The following GABRB2 variants were observed in gnomAD, a reference collection of about 807,000 sequenced individuals.
The protein encoded by GABRB2 is gamma-aminobutyric acid receptor subunit beta-2.
GABRB2 carries 16 observed loss-of-function variants against 54.7 expected under a neutral mutation model. That is an observed-to-expected ratio of 0.29 (90% confidence interval 0.20 to 0.44). The LOEUF (loss-of-function observed/expected upper bound fraction) is 0.44, where lower values mean the gene tolerates loss of function less well. Ranked by LOEUF, GABRB2 falls within the 20% of genes least tolerant of loss-of-function variation. The pLI is 1.00. For synonymous variants in GABRB2, 244 were observed against 233.8 expected (o/e 1.04, Z -0.40); for missense variants, 355 against 644.0 (o/e 0.55, Z 4.86).
chr5:161,337,157 A>G (rs1754018662), intron 5 of GABRB2, among the ~76,000 whole-genome samples: 1 of 152,178 alleles, frequency 6.6e-6, no homozygotes, highest in African/African-American at 2.4e-5. Flanking sequence ...ACATTATCAT[A>G]TAACATTATC....
At chr5:161,465,486 T>C (rs4530801) in intron 3 of GABRB2, among the ~76,000 whole-genome samples, 26,112 of 152,030 alleles carry the variant, frequency 0.17, 3,143 homozygotes, top group African/African-American at 0.34. Context: ...CATGTTGTCA[T>C]TTAAAAATCT....
intron 5 of GABRB2, among the ~76,000 whole-genome samples, chr5:161,394,009 T>TA (rs1390874270): frequency 6.6e-6 from 1 of 152,016 alleles, no homozygotes; most frequent in Non-Finnish European, 1.5e-5. Flanking sequence ...TTTAAAAGGA[T>TA]AAAAACTATA....
chr5:161,297,167 G>C (rs1178723712), intron 9 of GABRB2, among the ~76,000 whole-genome samples: 2 of 152,072 alleles, frequency 1.3e-5, no homozygotes, highest in Non-Finnish European at 2.9e-5. Context: ...AAGTGGGAGG[G>C]TGGTAGGGTG....
At chr5:161,319,214 C>T (rs1758135750) in intron 9 of GABRB2, among the ~76,000 whole-genome samples, 1 of 150,008 alleles carries the variant, frequency 6.7e-6, no homozygotes, top group Non-Finnish European at 1.5e-5. Context: ...AGCCAAGAGG[C>T]AAGAGTCAGA....
At chr5:161,512,493 C>A (rs1242229311) in intron 3 of GABRB2, among the ~76,000 whole-genome samples, 1 of 152,000 alleles carries the variant, frequency 6.6e-6, no homozygotes, top group African/African-American at 2.4e-5. Context: ...ATAAATGGTG[C>A]TGGGATAGCT....
chr5:161,459,965 G>C, intron 3 of GABRB2, 121 bp from the exon 4 acceptor site: 1 of 616,338 alleles, frequency 1.6e-6, no homozygotes, highest in South Asian at 2.5e-5. Context: ...ATTTTTTTGA[G>C]ACAGGGTCTC....
chr5:161,440,547 T>C (rs1757438937), intron 4 of GABRB2, among the ~76,000 whole-genome samples: 1 of 152,082 alleles, frequency 6.6e-6, no homozygotes, highest in Non-Finnish European at 1.5e-5. Flanking sequence ...TAATTGTAAA[T>C]ACATATGCAC....
intron 9 of GABRB2, among the ~76,000 whole-genome samples, chr5:161,316,770 C>T (rs1293437578): frequency 6.6e-6 from 1 of 152,050 alleles, no homozygotes; most frequent in Non-Finnish European, 1.5e-5. Flanking sequence ...TGCCATTATG[C>T]CTGGCTAATT....
chr5:161,412,672 C>T (rs1756553929), intron 4 of GABRB2, among the ~76,000 whole-genome samples: 1 of 152,118 alleles, frequency 6.6e-6, no homozygotes, highest in Admixed American at 6.6e-5. Context: ...CATCTCACTC[C>T]ATGTCCTCAA....
chr5:161,382,843 C>T (rs1161196601), intron 5 of GABRB2, among the ~76,000 whole-genome samples: 1 of 152,118 alleles, frequency 6.6e-6, no homozygotes, highest in African/African-American at 2.4e-5. Flanking sequence ...TTCCATTTTC[C>T]TCTCGAGCAA....
intron 5 of GABRB2, among the ~76,000 whole-genome samples, chr5:161,370,251 A>G (rs1755093444): frequency 6.6e-6 from 1 of 152,196 alleles, no homozygotes; most frequent in Non-Finnish European, 1.5e-5. Flanking sequence ...AAGGAGGACT[A>G]TAGTGAGTTA....
chr5:161,449,847 A>T (rs1209331561), intron 4 of GABRB2, among the ~76,000 whole-genome samples: 1 of 152,140 alleles, frequency 6.6e-6, no homozygotes. Flanking sequence ...TGCTAAAAAA[A>T]AAATAGAGTA....
intron 5 of GABRB2, among the ~76,000 whole-genome samples, chr5:161,391,549 T>C (rs946125040): frequency 2.0e-5 from 3 of 152,120 alleles, no homozygotes; most frequent in African/African-American, 7.2e-5. Flanking sequence ...GAAATACAAA[T>C]TCTGAATTCT....
intron 5 of GABRB2, among the ~76,000 whole-genome samples, chr5:161,373,650 G>A (rs1288438734): frequency 6.6e-6 from 1 of 152,142 alleles, no homozygotes; most frequent in African/African-American, 2.4e-5. Context: ...CAAAGAAGAT[G>A]GGAAACTAAA....
intron 3 of GABRB2, among the ~76,000 whole-genome samples, chr5:161,472,013 G>A (rs1264715848): frequency 3.3e-5 from 5 of 151,542 alleles, no homozygotes; most frequent in Admixed American, 2.0e-4. Flanking sequence ...TGAGACCTTT[G>A]GCATGCTACT....
intron 8 of GABRB2, among the ~76,000 whole-genome samples, chr5:161,329,037 C>T (rs534947315): frequency 1.2e-4 from 18 of 152,232 alleles, no homozygotes; most frequent in African/African-American, 4.1e-4. Context: ...TCTCTATTTC[C>T]GTTTTAGAAC....
chr5:161,377,195 G>T (rs748009159), intron 5 of GABRB2, among the ~76,000 whole-genome samples: 1 of 152,072 alleles, frequency 6.6e-6, no homozygotes, highest in Non-Finnish European at 1.5e-5. Context: ...ATCACTTAAT[G>T]AGTTTTGAGT....
At chr5:161,368,197 A>G (rs1032349793) in intron 5 of GABRB2, among the ~76,000 whole-genome samples, 12 of 151,832 alleles carry the variant, frequency 7.9e-5, no homozygotes, top group African/African-American at 2.9e-4. Flanking sequence ...TAGATAAAAA[A>G]TAATATTAGG....
At chr5:161,531,464 A>G (rs1259589370) in intron 3 of GABRB2, among the ~76,000 whole-genome samples, 2 of 152,136 alleles carry the variant, frequency 1.3e-5, no homozygotes, top group African/African-American at 2.4e-5. Flanking sequence ...ATTTCAAAAC[A>G]AACACTCCCT....
Sources: gnomAD v4.1 joint callset for allele counts (sites outside exome capture counted in the v4.1 genomes callset) on GRCh38, gnomAD v4.1.1 for gene constraint, MANE v1.5 for transcripts, NCBI Gene and HGNC (gene_info 2026-07-23, HGNC 2026-07-21) for gene names.